The following OPHN1 variants were observed in gnomAD, a reference collection of about 807,000 sequenced individuals.
The protein encoded by OPHN1 is oligophrenin-1.
A neutral mutation model predicts 60.7 loss-of-function variants in OPHN1; 11 were observed. The ratio of observed to expected loss-of-function variants is 0.18; its 90% CI spans 0.11 to 0.30. The LOEUF (loss-of-function observed/expected upper bound fraction) is 0.30, where lower values mean the gene tolerates loss of function less well. OPHN1 is among the 10% of genes least tolerant of loss of function. The pLI is 1.00. For synonymous variants in OPHN1, 226 were observed against 222.6 expected (o/e 1.02, Z -0.14); for missense variants, 449 against 611.0 (o/e 0.73, Z 2.80).
At chrX:68,346,346 T>C in intron 2 of OPHN1, among the ~76,000 whole-genome samples, 1 of 111,864 alleles carries the variant, frequency 8.9e-6, no homozygotes, top group Non-Finnish European at 1.9e-5. Context: ...GACAAACTTC[T>C]ATTAATAGGA....
chrX:68,351,956 A>T (rs1445336017), intron 2 of OPHN1, among the ~76,000 whole-genome samples: 5 of 98,321 alleles, frequency 5.1e-5, no homozygotes, highest in Non-Finnish European at 8.0e-5. Flanking sequence ...GGCTCACTGC[A>T]AGCTCCACCT....
chrX:68,321,414 G>A (rs936369737), intron 2 of OPHN1, among the ~76,000 whole-genome samples: 4 of 111,879 alleles, frequency 3.6e-5, no homozygotes, highest in Non-Finnish European at 7.5e-5. Flanking sequence ...GAAGGATACA[G>A]AATTCAAAAG....
intron 2 of OPHN1, among the ~76,000 whole-genome samples, chrX:68,339,708 T>C (rs746374335): frequency 2.1e-4 from 24 of 111,743 alleles, no homozygotes; most frequent in Non-Finnish European, 4.1e-4. Context: ...GTTCAAGTGA[T>C]TCTCGTGCTT....
intron 2 of OPHN1, among the ~76,000 whole-genome samples, chrX:68,389,951 T>C (rs1011296227): frequency 4.5e-5 from 5 of 111,689 alleles, no homozygotes; most frequent in Non-Finnish European, 9.4e-5. Flanking sequence ...TGACTCACAG[T>C]TCCACAGGGT....
chrX:68,141,904 T>G lies in OPHN1; in HGVS notation c.1277-22572A>C, dbSNP rs750122758. Among the ~76,000 whole-genome samples, 319 of 90,245 alleles carry G rather than the reference T, an allele frequency of 3.5e-3. 1 individual carries two copies. The highest frequency in any genetic ancestry group is 0.012 in the African/African-American group (296 of 23,687). 78.4% of individuals were successfully genotyped at this position (90,245 alleles called of 115,157 possible). On this transcript the variant is annotated intron_variant, in intron 15 of 24. Coordinates refer to ENST00000355520, the MANE Select transcript of OPHN1 (RefSeq NM_002547.3). ...TAGCAGAAAAGATGGTGATGTTAAT[T>G]AAAGAAAGAAAGAAAGAAAGAAAGA...
chrX:68,156,475 T>A (rs866336052), intron 15 of OPHN1, among the ~76,000 whole-genome samples: 3 of 111,152 alleles, frequency 2.7e-5, no homozygotes, highest in Non-Finnish European at 5.7e-5. Context: ...ACTATAACCA[T>A]AACTAATTAT....
intron 6 of OPHN1, among the ~76,000 whole-genome samples, chrX:68,222,017 G>C (rs550874496): frequency 9.3e-6 from 1 of 107,604 alleles, no homozygotes; most frequent in African/African-American, 3.4e-5. Flanking sequence ...GAAAATTTTC[G>C]CAACCTACTC....
intron 20 of OPHN1, chrX:68,070,804 T>C (rs1193823669): frequency 6.9e-6 from 8 of 1,163,727 alleles, no homozygotes; most frequent in Non-Finnish European, 9.4e-6. Context: ...AGTCTCAGCA[T>C]ACTTCTTGCT....
At chrX:68,216,968 C>A (rs775455850) in intron 6 of OPHN1, among the ~76,000 whole-genome samples, 61 of 112,083 alleles carry the variant, frequency 5.4e-4, no homozygotes, top group African/African-American at 1.8e-3. Flanking sequence ...CAGCTCCCAG[C>A]GTGAGCGACG....
chrX:68,136,503 CTG>C (rs1472359790), intron 15 of OPHN1, among the ~76,000 whole-genome samples: 1 of 109,212 alleles, frequency 9.2e-6, no homozygotes, highest in Non-Finnish European at 1.9e-5. Context: ...CGGGGTTTCA[CTG>C]TGTTAGCCAG....
chrX:68,333,374 C>T (rs1380964265), intron 2 of OPHN1, among the ~76,000 whole-genome samples: 2 of 110,536 alleles, frequency 1.8e-5, no homozygotes, highest in African/African-American at 3.3e-5. Context: ...CGGTGGCTCA[C>T]GCCTGTAATC....
intron 4 of OPHN1, 36 bp from the exon 5 acceptor site, chrX:68,274,845 A>T: frequency 9.9e-7 from 1 of 1,011,921 alleles, no homozygotes; most frequent in Non-Finnish European, 1.4e-6. Context: ...AACAATTTCT[A>T]GGTTAACAAG....
At chrX:68,293,143 C>T (rs1188737543) in intron 3 of OPHN1, among the ~76,000 whole-genome samples, 2 of 111,485 alleles carry the variant, frequency 1.8e-5, no homozygotes, top group East Asian at 2.8e-4. Context: ...TTCATTTTAG[C>T]CATTCCTCTT....
chrX:68,180,101 C>T (rs1475873275), intron 15 of OPHN1, among the ~76,000 whole-genome samples: 1 of 111,721 alleles, frequency 9.0e-6, no homozygotes, highest in African/African-American at 3.3e-5. Flanking sequence ...CTCAATCTCT[C>T]TTCCTACTAT....
chrX:68,301,184 G>T (rs1298375455), intron 2 of OPHN1, among the ~76,000 whole-genome samples: 1 of 111,487 alleles, frequency 9.0e-6, no homozygotes, highest in Non-Finnish European at 1.9e-5. Flanking sequence ...GGTGGCTCAC[G>T]CCTGTAATCC....
At chrX:68,136,034 C>A (rs1278979782) in intron 15 of OPHN1, among the ~76,000 whole-genome samples, 1 of 111,498 alleles carries the variant, frequency 9.0e-6, no homozygotes, top group Non-Finnish European at 1.9e-5. Flanking sequence ...GTCATTCCTT[C>A]CTTAAGCAAA....
rs528977646 is a variant in OPHN1 at position 68,252,019 on chromosome X, T to C, written c.385-17431A>G. Among the ~76,000 whole-genome samples, 86 of 112,000 alleles carry C rather than the reference T, an allele frequency of 7.7e-4. No individual in the cohort carries two copies. The Middle Eastern group carries it at 0.019, about 24-fold the overall frequency. On this transcript the variant is annotated intron_variant, in intron 5 of 24. Coordinates refer to ENST00000355520, the MANE Select transcript of OPHN1 (RefSeq NM_002547.3). ...GCCAACTGAATTTGTAAGGAAGCAA[T>C]GGTAGGCTGGCTTTGAGCCTAGCTT...
chrX:68,269,207 A>G (rs1242713178), intron 5 of OPHN1, among the ~76,000 whole-genome samples: 2 of 111,758 alleles, frequency 1.8e-5, no homozygotes, highest in African/African-American at 3.3e-5. Flanking sequence ...AAGCTACCAA[A>G]GACTTTCTTC....
chrX:68,285,496 C>T (rs892671508), intron 3 of OPHN1, among the ~76,000 whole-genome samples: 1 of 111,177 alleles, frequency 9.0e-6, no homozygotes, highest in South Asian at 3.8e-4. Flanking sequence ...TTTCATTAGA[C>T]TCATATGGTT....
Sources: allele counts gnomAD v4.1 joint callset (sites outside exome capture counted in the v4.1 genomes callset), GRCh38; gene constraint gnomAD v4.1.1; transcripts MANE v1.5; gene names NCBI Gene and HGNC (gene_info 2026-07-23, HGNC 2026-07-21).